CCDC158: variants seen among roughly 807,000 people sequenced by gnomAD.
CCDC158 encodes the protein coiled-coil domain containing 158.
Under a neutral mutation model 138.6 loss-of-function variants are expected in CCDC158, and 116 were observed. The ratio of observed to expected loss-of-function variants is 0.84; its 90% CI spans 0.72 to 0.98. CCDC158 has a LOEUF of 0.98. CCDC158 is among the 50% of genes least tolerant of loss of function. The probability of loss-of-function intolerance (pLI) is 0.00; values close to 1 mark genes in which losing one functional copy is unlikely to be tolerated. For synonymous variants in CCDC158, 436 were observed against 442.4 expected (o/e 0.99, Z 0.18); for missense variants, 1,265 against 1,306.1 (o/e 0.97, Z 0.48).
chr4:76,410,709 A>C (rs1036720533), intron 2 of CCDC158, among the ~76,000 whole-genome samples: 1 of 152,212 alleles, frequency 6.6e-6, no homozygotes, highest in Admixed American at 6.5e-5. Flanking sequence ...TCAAAGAAAC[A>C]TACTGGGCTG....
intron 16 of CCDC158, chr4:76,352,922 A>T: frequency 2.3e-6 from 1 of 434,478 alleles, no homozygotes; most frequent in East Asian, 3.7e-5. Flanking sequence ...ATTTGGCAAA[A>T]AGTATGCATT....
At chr4:76,405,931 T>A (rs910270430) in intron 2 of CCDC158, among the ~76,000 whole-genome samples, 1 of 151,854 alleles carries the variant, frequency 6.6e-6, no homozygotes, top group Non-Finnish European at 1.5e-5. Context: ...ATATAACACA[T>A]TCAGTAATTA....
rs191948018 is a variant in CCDC158 at position 76,408,296 on chromosome 4, C to G, written c.-74+3794G>C. On this transcript the variant is annotated intron_variant, in intron 2 of 24. Coordinates refer to ENST00000682701, the MANE Select transcript of CCDC158 (RefSeq NM_001394954.1). Reference sequence around the variant, plus strand: ...TGGTGAGCTGCACCCATTAACTTGTCATTTACATTAGGTATATCTCCTAAT... The same window carrying G: ...TGGTGAGCTGCACCCATTAACTTGTGATTTACATTAGGTATATCTCCTAAT... Among the ~76,000 whole-genome samples the G allele has an allele frequency of 3.1e-3, 470 of 152,068 alleles. 3 individuals carry two copies. The highest frequency in any genetic ancestry group is 0.01 in the African/African-American group (426 of 41,468).
intron 1 of CCDC158, among the ~76,000 whole-genome samples, chr4:76,420,678 G>A (rs1034616048): frequency 6.6e-6 from 1 of 152,174 alleles, no homozygotes; most frequent in African/African-American, 2.4e-5. Flanking sequence ...TCACGTTGGG[G>A]CAGGTTACTC....
At chr4:76,360,023 T>A (rs1449597534) in intron 13 of CCDC158, among the ~76,000 whole-genome samples, 7 of 152,250 alleles carry the variant, frequency 4.6e-5, no homozygotes. Flanking sequence ...TCCAGAGCCC[T>A]GCTGCACTGT....
chr4:76,404,447 C>A (rs1207095794), intron 2 of CCDC158, among the ~76,000 whole-genome samples: 2 of 151,980 alleles, frequency 1.3e-5, no homozygotes, highest in Admixed American at 1.3e-4. Flanking sequence ...TAGGCTCAAA[C>A]AAGAATTTAG....
chr4:76,331,460 T>C (rs1721004585), intron 20 of CCDC158, 57 bp from the exon 21 acceptor site: 3 of 1,449,088 alleles, frequency 2.1e-6, no homozygotes, highest in Middle Eastern at 1.8e-4. Context: ...TCCTTACCAA[T>C]ATAACAAAAG....
rs753361661 is a variant in CCDC158 at position 76,367,396 on chromosome 4, C to G, written c.1728G>C (p.Gln576His). Residue 576 changes from glutamine (Q) to histidine (H), a missense_variant, in exon 12 of 25, where the codon CAG (glutamine) becomes CAC (histidine). Coordinates refer to ENST00000682701, the MANE Select transcript of CCDC158 (RefSeq NM_001394954.1). ...CAGTTCGTCCATGCTGGCCCACCAG[C>G]TGTGTCATGTTCTCAATCTGCTGTC... The part of the protein sequence containing the change: ...ILRQQIENMT[Q>H]LVGQHGRTAG... The G allele has an allele frequency of 4.0e-5, 64 of 1,614,132 alleles. No homozygotes were observed. Among genetic ancestry groups the G allele is most frequent in the Non-Finnish European group, 5.0e-5 (59 of 1,180,060 alleles).
intron 21 of CCDC158, among the ~76,000 whole-genome samples, chr4:76,330,955 A>G (rs184849875): frequency 5.5e-4 from 84 of 152,294 alleles, no homozygotes; most frequent in African/African-American, 1.9e-3. Flanking sequence ...TCATCCATTC[A>G]CTAAACAAAT....
intron 6 of CCDC158, 147 bp from the exon 7 acceptor site, chr4:76,383,885 T>C: frequency 1.4e-6 from 1 of 711,810 alleles, no homozygotes; most frequent in South Asian, 1.9e-5. Flanking sequence ...TTATTAGATC[T>C]TTTACTTTGT....
upstream of CCDC158, chr4:76,421,797 C>T (rs1730148919): frequency 6.6e-6 from 1 of 152,160 alleles, no homozygotes; most frequent in African/African-American, 2.4e-5. Flanking sequence ...GTGTTCTCGG[C>T]ATAGCTGACC....
intron 4 of CCDC158, among the ~76,000 whole-genome samples, chr4:76,393,163 C>A (rs1287001354): frequency 6.6e-6 from 1 of 152,012 alleles, no homozygotes; most frequent in Non-Finnish European, 1.5e-5. Flanking sequence ...ACAAAAGACA[C>A]AGAATGGCCA....
chr4:76,345,276 A>T (rs1276372834), intron 18 of CCDC158: 1 of 955,310 alleles, frequency 1.0e-6, no homozygotes, highest in African/African-American at 1.6e-5. Context: ...CTACATGCTC[A>T]ACATCGAAGC....
chr4:76,335,991 C>T (rs1008855549), intron 18 of CCDC158, among the ~76,000 whole-genome samples: 2 of 151,580 alleles, frequency 1.3e-5, no homozygotes, highest in Admixed American at 6.6e-5. Context: ...ACCATCCTGG[C>T]TAACATGGTG....
chr4:76,362,529 A>G (rs902055671), intron 12 of CCDC158, among the ~76,000 whole-genome samples: 7 of 152,224 alleles, frequency 4.6e-5, no homozygotes, highest in African/African-American at 1.7e-4. Flanking sequence ...ATCAATAGAA[A>G]GTGGGAAAAT....
chr4:76,349,540 G>A lies in CCDC158; in HGVS notation c.2664+1456C>T, dbSNP rs142407647. ...AAAAATTAGCCAGGCGTGGTGGCAC[G>A]CACCTTTAGTCCCAGCTACTAGGGA... is the stretch of plus-strand genomic sequence containing the variant. On this transcript the variant is annotated intron_variant, in intron 18 of 24. Transcript: ENST00000682701. 3.0e-3 allele frequency among the ~76,000 whole-genome samples: 450 copies of A among 152,162 alleles called. 4 individuals carry two copies. Among genetic ancestry groups the A allele is most frequent in the African/African-American group, 0.01 (429 of 41,530 alleles).
rs557844452 is a variant in CCDC158 at position 76,387,696 on chromosome 4, G to A, written c.289-3031C>T. ...AAATTAGCCGGGCGTGGTGGTGCGC[G>A]CCTGTAATCCCAGCTACTCAGGAGG... On this transcript the variant is annotated intron_variant, in intron 4 of 24. Coordinates refer to ENST00000682701, the MANE Select transcript of CCDC158 (RefSeq NM_001394954.1). Among the ~76,000 whole-genome samples, 5 of 151,946 alleles carry A rather than the reference G, an allele frequency of 3.3e-5. No homozygotes were observed. The East Asian group carries it at 5.8e-4, about 18-fold the overall frequency.
intron 15 of CCDC158, among the ~76,000 whole-genome samples, chr4:76,354,233 CAAAAAAAAAA>C (rs749565764): frequency 3.1e-5 from 2 of 63,938 alleles, no homozygotes; most frequent in African/African-American, 6.0e-5. Flanking sequence ...TTCCCAAAGG[CAAAAAAAAAA>C]AAAAAAAAAA....
chr4:76,316,143 G>A (rs1719365863), intron 24 of CCDC158, among the ~76,000 whole-genome samples: 1 of 152,162 alleles, frequency 6.6e-6, no homozygotes, highest in Admixed American at 6.5e-5. Context: ...GAAGAATTCA[G>A]AAGGTTGATT....
Sources: allele counts gnomAD v4.1 joint callset (sites outside exome capture counted in the v4.1 genomes callset), GRCh38; gene constraint gnomAD v4.1.1; transcripts MANE v1.5; gene names NCBI Gene and HGNC (gene_info 2026-07-23, HGNC 2026-07-21).